Variants in MRPS6 observed in about 807,000 individuals in gnomAD.
The protein encoded by MRPS6 is mitochondrial ribosomal protein S6.
Under a neutral mutation model 13.1 loss-of-function variants are expected in MRPS6, and 6 were observed. That is an observed-to-expected ratio of 0.46 (90% CI 0.25 to 0.91). The LOEUF (loss-of-function observed/expected upper bound fraction) is 0.91. MRPS6 is among the 40% of genes least tolerant of loss of function. The pLI, the probability that MRPS6 is intolerant of heterozygous loss-of-function variation, is 0.18. For missense variants in MRPS6, 164 were observed against 155.6 expected, an observed-to-expected ratio of 1.05 and a Z score of -0.29; for synonymous variants, 61 against 56.5, an observed-to-expected ratio of 1.08 and a Z score of -0.36.
intron 1 of MRPS6, chr21:34,097,865 C>T: frequency 1.0e-6 from 1 of 996,258 alleles, no homozygotes; most frequent in Non-Finnish European, 1.2e-6. Flanking sequence ...AGGACAAGTT[C>T]ATTTGCCAGG....
intron 1 of MRPS6, among the ~76,000 whole-genome samples, chr21:34,090,372 C>G (rs78193554): frequency 2.2e-4 from 34 of 152,238 alleles, no homozygotes; most frequent in Admixed American, 1.2e-3. Context: ...GAACTTGAGT[C>G]AAGGTGACAA....
chr21:34,127,886 G>A (rs545995986), intron 2 of MRPS6, among the ~76,000 whole-genome samples: 1 of 152,204 alleles, frequency 6.6e-6, no homozygotes, highest in South Asian at 2.1e-4. Flanking sequence ...TTGGTTACAC[G>A]TTTAGCATTC....
chr21:34,082,698 T>C (rs1369455780), intron 1 of MRPS6, among the ~76,000 whole-genome samples: 1 of 152,208 alleles, frequency 6.6e-6, no homozygotes, highest in East Asian at 1.9e-4. Flanking sequence ...TTCCATAAAA[T>C]AGAAGCCAAG....
chr21:34,112,382 G>A (rs1377932642), intron 1 of MRPS6, among the ~76,000 whole-genome samples: 1 of 151,884 alleles, frequency 6.6e-6, no homozygotes, highest in East Asian at 1.9e-4. Flanking sequence ...TACCTATGGG[G>A]TTACAGAAGA....
intron 1 of MRPS6, among the ~76,000 whole-genome samples, chr21:34,109,004 T>G (rs969141133): frequency 6.6e-6 from 1 of 152,218 alleles, no homozygotes; most frequent in Admixed American, 6.5e-5. Context: ...ATGCCTTTGC[T>G]CTTAATTTTC....
intron 1 of MRPS6, 49 bp downstream of exon 1, chr21:34,073,794 T>G (rs1989248943): frequency 2.9e-6 from 4 of 1,372,970 alleles, no homozygotes; most frequent in Non-Finnish European, 3.9e-6. Flanking sequence ...GCGCCCCCGC[T>G]GCCGCTAGGC....
intron 1 of MRPS6, chr21:34,102,294 C>A: frequency 1.0e-6 from 1 of 999,082 alleles, no homozygotes; most frequent in South Asian, 4.7e-5. Flanking sequence ...TTTATTTAAA[C>A]TTCTCTCTCT....
chr21:34,094,968 C>A, intron 1 of MRPS6: 1 of 512,730 alleles, frequency 2.0e-6, no homozygotes, highest in South Asian at 3.1e-5. Flanking sequence ...AGAGTACGAG[C>A]TAAGTTCTCA....
At chr21:34,125,263 A>T in intron 1 of MRPS6, 78 bp from the exon 2 acceptor site, 1 of 1,560,018 alleles carries the variant, frequency 6.4e-7, no homozygotes, top group Non-Finnish European at 8.6e-7. Context: ...ATTGGAACTG[A>T]GCAGACTTAA....
At position 34,100,249 on chromosome 21, in the gene MRPS6, A is replaced by G. The variant is rs74525489; in HGVS notation, c.46-25092A>G. 375 of 1,000,076 alleles carry G rather than the reference A, an allele frequency of 3.7e-4. 3 individuals are homozygous for G. The African/African-American group carries it at 6.1e-3, about 16-fold the overall frequency. The allele number at this position is 1,000,076 out of a possible 1,614,324, so 62.0% of individuals were successfully genotyped here. A position where few individuals can be genotyped will look rare whatever the true frequency, so the allele number is the denominator to read the frequency against. On this transcript the variant is annotated intron_variant, in intron 1 of 2. Coordinates refer to ENST00000399312, the MANE Select transcript of MRPS6 (RefSeq NM_032476.4). ...TCTTAGACTTTTGTCTTCTCAGGCA[A>G]TTTTCATCTCAAGATCTGATGAGAA...
chr21:34,126,144 G>C (rs1038267998), intron 2 of MRPS6, among the ~76,000 whole-genome samples: 32 of 152,212 alleles, frequency 2.1e-4, no homozygotes, highest in Admixed American at 2.0e-3. Flanking sequence ...GGTAGGAAAA[G>C]TCCAAGAGTA....
intron 1 of MRPS6, among the ~76,000 whole-genome samples, chr21:34,077,907 T>G (rs1194047194): frequency 6.6e-6 from 1 of 152,224 alleles, no homozygotes; most frequent in Non-Finnish European, 1.5e-5. Flanking sequence ...AAGTTTTGTA[T>G]TTGTTCTAGA....
intron 1 of MRPS6, chr21:34,095,819 T>A: frequency 6.2e-7 from 1 of 1,614,068 alleles, no homozygotes; most frequent in Non-Finnish European, 8.5e-7. Context: ...TAATGGAGAT[T>A]GGCGGGTTTG....
chr21:34,113,975 A>G (rs1193423105), intron 1 of MRPS6, among the ~76,000 whole-genome samples: 3 of 152,158 alleles, frequency 2.0e-5, no homozygotes, highest in South Asian at 2.1e-4. Context: ...AAGGCATGCA[A>G]TCAATAAGGC....
intron 1 of MRPS6, among the ~76,000 whole-genome samples, chr21:34,090,506 A>G (rs1307138406): frequency 6.6e-6 from 1 of 152,328 alleles, no homozygotes. Flanking sequence ...AAAATGTTTG[A>G]GAGAGCTGCA....
intron 1 of MRPS6, among the ~76,000 whole-genome samples, chr21:34,118,370 CA>C (rs1569422495): frequency 6.6e-6 from 1 of 151,886 alleles, no homozygotes; most frequent in South Asian, 2.1e-4. Context: ...TGTGACTCTT[CA>C]AAAATTTTTC....
In MRPS6 at chr21:34,096,518, C is replaced by T. The variant is rs1472562639; in HGVS notation, c.45+22773C>T. ...TGCAAGGAGGCCAGATGTACCTTTA[C>T]ATTCAGGAGGTAGCAGATTACCTGA... On this transcript the variant is annotated intron_variant, in intron 1 of 2. Coordinates refer to ENST00000399312, the MANE Select transcript of MRPS6 (RefSeq NM_032476.4). This position sits in a 1 kb window ranked among gnomAD's most constrained non-coding sequence, Gnocchi z 5.9. 2 of 1,614,052 alleles carry T rather than the reference C, an allele frequency of 1.2e-6. No homozygotes were observed. Among genetic ancestry groups the T allele is most frequent in the Non-Finnish European group, 1.7e-6 (2 of 1,180,016 alleles).
intron 1 of MRPS6, among the ~76,000 whole-genome samples, chr21:34,114,344 T>C (rs1376827915): frequency 6.6e-6 from 1 of 152,172 alleles, no homozygotes; most frequent in Non-Finnish European, 1.5e-5. Context: ...ACTTTTATGT[T>C]CCTTAAATTA....
intron 1 of MRPS6, among the ~76,000 whole-genome samples, chr21:34,121,373 G>A (rs1480470449): frequency 6.6e-6 from 1 of 152,166 alleles, no homozygotes; most frequent in Non-Finnish European, 1.5e-5. Context: ...TGAGGTACAA[G>A]TTTAAAATTG....
Sources: allele counts gnomAD v4.1 joint callset (sites outside exome capture counted in the v4.1 genomes callset), GRCh38; gene constraint gnomAD v4.1.1; non-coding constraint Gnocchi (gnomAD v3.1); transcripts MANE v1.5; gene names NCBI Gene and HGNC (gene_info 2026-07-23, HGNC 2026-07-21).